MPPED2: variants seen among roughly 807,000 people sequenced by gnomAD.
MPPED2 encodes metallophosphoesterase domain containing 2.
In MPPED2, 5 loss-of-function variants were observed where a neutral mutation model predicts 33.0. The observed-to-expected ratio is 0.15, with a 90% confidence interval of 0.08 to 0.32. The LOEUF (loss-of-function observed/expected upper bound fraction) is 0.32, where lower values mean the gene tolerates loss of function less well. Ranked by LOEUF, MPPED2 falls within the 10% of genes least tolerant of loss-of-function variation. MPPED2 has a pLI of 1.00. For synonymous variants in MPPED2, 136 were observed against 141.9 expected (o/e 0.96, Z 0.29); for missense variants, 275 against 372.1 (o/e 0.74, Z 2.15).
intron 3 of MPPED2, among the ~76,000 whole-genome samples, chr11:30,533,001 C>T (rs762160133): frequency 6.6e-6 from 1 of 152,182 alleles, no homozygotes; most frequent in Non-Finnish European, 1.5e-5. Flanking sequence ...AATATTAGCA[C>T]ATAGCCAAAC....
intron 4 of MPPED2, among the ~76,000 whole-genome samples, chr11:30,471,387 C>T (rs1283418049): frequency 6.6e-6 from 1 of 152,220 alleles, no homozygotes; most frequent in Non-Finnish European, 1.5e-5. Context: ...ACCATCCAAA[C>T]TCTCTCACCC....
chr11:30,559,432 T>C (rs1956137621), intron 2 of MPPED2, among the ~76,000 whole-genome samples: 1 of 152,204 alleles, frequency 6.6e-6, no homozygotes, highest in African/African-American at 2.4e-5. Flanking sequence ...TTAATTGTGA[T>C]CACATGAGTA....
intron 4 of MPPED2, among the ~76,000 whole-genome samples, chr11:30,442,216 A>G (rs1429547379): frequency 1.3e-5 from 2 of 152,268 alleles, no homozygotes; most frequent in Non-Finnish European, 2.9e-5. Flanking sequence ...AAGATAGAAG[A>G]GTGGTCTCCA....
At chr11:30,418,388 A>T (rs1043624453) in intron 4 of MPPED2, among the ~76,000 whole-genome samples, 6 of 152,192 alleles carry the variant, frequency 3.9e-5, no homozygotes, top group African/African-American at 1.4e-4. Flanking sequence ...TGTAGAAGGG[A>T]ATGAGTCTTT....
intron 3 of MPPED2, among the ~76,000 whole-genome samples, chr11:30,519,235 C>T (rs1160213363): frequency 6.6e-6 from 1 of 152,190 alleles, no homozygotes; most frequent in East Asian, 1.9e-4. Context: ...TACCACTGCA[C>T]TCCAGCCTGG....
intron 4 of MPPED2, among the ~76,000 whole-genome samples, chr11:30,431,619 T>C (rs487227): frequency 0.6 from 90,588 of 152,128 alleles, 28,301 homozygotes; most frequent in African/African-American, 0.81. Context: ...AAACTGCCTG[T>C]TTCCTACACT....
chr11:30,562,755 C>G (rs1295886600), intron 2 of MPPED2, among the ~76,000 whole-genome samples: 1 of 152,078 alleles, frequency 6.6e-6, no homozygotes, highest in Non-Finnish European at 1.5e-5. Context: ...TGCCAGTAGG[C>G]CATACGTAAA....
rs775119007 is a variant in MPPED2, at chr11:30,577,923, T to C, written c.128+2323A>G. ...CCAGTGTTTTTGAGCATCTGTCACCTGCTCAGAAGAACAAGCCTTTCTTTA... is the reference window on the plus strand; with the variant it reads ...CCAGTGTTTTTGAGCATCTGTCACCCGCTCAGAAGAACAAGCCTTTCTTTA... On this transcript the variant is annotated intron_variant, in intron 2 of 6. Transcript: ENST00000358117. Among the ~76,000 whole-genome samples, 6 of 152,220 alleles carry C rather than the reference T, an allele frequency of 3.9e-5. 1 individual carries two copies. The highest frequency in any genetic ancestry group is 2.4e-5 in the African/African-American group (1 of 41,460).
At chr11:30,481,071 T>C (rs1324497175) in intron 4 of MPPED2, among the ~76,000 whole-genome samples, 1 of 152,170 alleles carries the variant, frequency 6.6e-6, no homozygotes, top group Non-Finnish European at 1.5e-5. Context: ...TTGGGTCTTC[T>C]TACAGTAGCT....
intron 4 of MPPED2, among the ~76,000 whole-genome samples, chr11:30,424,604 GTTTTCCTGGCACCAGATGTGTCATC>G (rs1948750618): frequency 6.6e-6 from 1 of 152,148 alleles, no homozygotes. Context: ...AGAAATAGCA[GTTTTCCTGGCACCAGATGTGTCATC>G]TTGAATATCC....
At chr11:30,397,723 A>G (rs989918601) in intron 6 of MPPED2, among the ~76,000 whole-genome samples, 2 of 152,172 alleles carry the variant, frequency 1.3e-5, no homozygotes, top group Non-Finnish European at 2.9e-5. Flanking sequence ...TGATGAAGAA[A>G]CAGGCTCCAA....
chr11:30,578,087 A>C (rs1336141616), intron 2 of MPPED2, among the ~76,000 whole-genome samples: 1 of 152,208 alleles, frequency 6.6e-6, no homozygotes, highest in African/African-American at 2.4e-5. Context: ...TTGCCAAGTA[A>C]CTTGGGCAGG....
chr11:30,558,594 T>A (rs893407313), intron 2 of MPPED2, among the ~76,000 whole-genome samples: 3 of 151,056 alleles, frequency 2.0e-5, no homozygotes, highest in Middle Eastern at 3.4e-3. Context: ...TTTTTTTTTT[T>A]AATTTTTGAT....
At chr11:30,575,233 G>A (rs763309960) in intron 2 of MPPED2, among the ~76,000 whole-genome samples, 12 of 152,058 alleles carry the variant, frequency 7.9e-5, no homozygotes, top group Non-Finnish European at 1.5e-4. Flanking sequence ...AAACAAGTTG[G>A]ACTTGTCAGG....
chr11:30,529,664 A>G (rs1481286235), intron 3 of MPPED2, among the ~76,000 whole-genome samples: 2 of 152,346 alleles, frequency 1.3e-5, no homozygotes, highest in African/African-American at 4.8e-5. Flanking sequence ...GCACATGTAT[A>G]ACATATATTA....
In MPPED2 at chr11:30,532,765, ATCT is replaced by A. The variant is rs1324382285; in HGVS notation, c.310+3226_310+3228del. Among the ~76,000 whole-genome samples the A allele has an allele frequency of 7.9e-5, 12 of 152,288 alleles. No individual in the cohort carries two copies. In the South Asian group the frequency reaches 2.5e-3, roughly 32 times the overall value. On this transcript the variant is annotated intron_variant, in intron 3 of 6. Coordinates refer to ENST00000358117, the MANE Select transcript of MPPED2 (RefSeq NM_001584.3). ...TGTAGTGATATCTGGTTTGAGTTCAATCTTCTTATGACCTAAGATGAAGCTGTG... is the reference window on the plus strand; with the variant it reads ...TGTAGTGATATCTGGTTTGAGTTCAATCTTATGACCTAAGATGAAGCTGTG...
chr11:30,500,644 A>C (rs576318040), intron 3 of MPPED2, among the ~76,000 whole-genome samples: 1 of 152,230 alleles, frequency 6.6e-6, no homozygotes, highest in African/African-American at 2.4e-5. Context: ...TCTAAAGCAC[A>C]TGCATGGTGC....
intron 4 of MPPED2, among the ~76,000 whole-genome samples, chr11:30,466,251 T>A (rs1224589974): frequency 1.3e-5 from 2 of 152,248 alleles, no homozygotes; most frequent in Admixed American, 1.3e-4. Flanking sequence ...AATAGACTTA[T>A]CTTCCCCCTT....
At chr11:30,479,102 T>C (rs1170178635) in intron 4 of MPPED2, among the ~76,000 whole-genome samples, 1 of 152,090 alleles carries the variant, frequency 6.6e-6, no homozygotes, top group African/African-American at 2.4e-5. Context: ...CTGGTCTTCT[T>C]ATCCTAAACT....
Sources: allele counts gnomAD v4.1 joint callset (sites outside exome capture counted in the v4.1 genomes callset), GRCh38; gene constraint gnomAD v4.1.1; transcripts MANE v1.5; gene names NCBI Gene and HGNC (gene_info 2026-07-23, HGNC 2026-07-21).